Variants in HMGA2 observed in about 807,000 individuals in gnomAD.
HMGA2 encodes the protein high mobility group AT-hook 2, also known as high mobility group protein HMGI-C.
A neutral mutation model predicts 19.1 loss-of-function variants in HMGA2; 8 were observed. The observed-to-expected ratio is 0.42, with a 90% CI of 0.25 to 0.76. HMGA2 has a LOEUF of 0.76. Among genes scored for constraint, HMGA2 ranks in the 30% least tolerant of loss-of-function variants. The pLI, the probability that HMGA2 is intolerant of heterozygous loss-of-function variation, is 0.28. For missense variants in HMGA2, 109 were observed against 136.3 expected (o/e 0.80, Z 1.00); for synonymous variants, 60 against 48.8 (o/e 1.23, Z -0.96).
intron 3 of HMGA2, among the ~76,000 whole-genome samples, chr12:65,946,871 G>A (rs1876283289): frequency 6.6e-6 from 1 of 152,144 alleles, no homozygotes; most frequent in Admixed American, 6.5e-5. Flanking sequence ...TATGACCTCA[G>A]AAATCCAAAA....
intron 3 of HMGA2, among the ~76,000 whole-genome samples, chr12:65,900,332 G>T (rs1874320135): frequency 4.6e-5 from 7 of 152,074 alleles, no homozygotes; most frequent in Non-Finnish European, 1.5e-5. Context: ...TGACTAAATG[G>T]CACGCTACTA....
intron 3 of HMGA2, among the ~76,000 whole-genome samples, chr12:65,890,522 T>C (rs1873857100): frequency 1.3e-5 from 2 of 152,136 alleles, no homozygotes; most frequent in South Asian, 4.1e-4. Context: ...CTAAGGTATA[T>C]ATCTTTTGTT....
At chr12:65,924,013 A>AAAAAC (rs1329696720) in intron 3 of HMGA2, among the ~76,000 whole-genome samples, 20 of 152,112 alleles carry the variant, frequency 1.3e-4, no homozygotes, top group African/African-American at 3.6e-4. Context: ...CCCATCTCAA[A>AAAAAC]AAAACAAAAC....
At chr12:65,923,907 G>A (rs558923046) in intron 3 of HMGA2, among the ~76,000 whole-genome samples, 1 of 152,176 alleles carries the variant, frequency 6.6e-6, no homozygotes, top group Admixed American at 6.5e-5. Flanking sequence ...CTACTCGGGG[G>A]CTGAGGTAAG....
chr12:65,902,219 G>A (rs1339048257), intron 3 of HMGA2, among the ~76,000 whole-genome samples: 2 of 151,902 alleles, frequency 1.3e-5, no homozygotes, highest in African/African-American at 4.8e-5. Context: ...AGTTTCTTAA[G>A]AGAACTGACG....
At chr12:65,878,530 A>C (rs1006356138) in intron 3 of HMGA2, among the ~76,000 whole-genome samples, 6 of 152,244 alleles carry the variant, frequency 3.9e-5, no homozygotes, top group Non-Finnish European at 7.3e-5. Flanking sequence ...TAAATATCTA[A>C]ATATGTGTAT....
intron 3 of HMGA2, among the ~76,000 whole-genome samples, chr12:65,898,589 T>C (rs1235761609): frequency 6.6e-6 from 1 of 152,306 alleles, no homozygotes; most frequent in East Asian, 1.9e-4. Context: ...ATGGTTATAG[T>C]ACATATTCAA....
At chr12:65,913,964 A>G (rs1874959196) in intron 3 of HMGA2, among the ~76,000 whole-genome samples, 1 of 152,190 alleles carries the variant, frequency 6.6e-6, no homozygotes, top group Non-Finnish European at 1.5e-5. Context: ...AATTGTCTTT[A>G]TTCATCCCCC....
chr12:65,829,955 A>C (rs1250102753), intron 2 of HMGA2, among the ~76,000 whole-genome samples: 2 of 151,958 alleles, frequency 1.3e-5, no homozygotes, highest in East Asian at 3.8e-4. Context: ...CTTTCTGAAA[A>C]TTCTTCATGT....
At chr12:65,841,115 C>T (rs759006622) in intron 3 of HMGA2, among the ~76,000 whole-genome samples, 35 of 152,108 alleles carry the variant, frequency 2.3e-4, no homozygotes, top group Non-Finnish European at 1.0e-4. Flanking sequence ...GATGATTCAG[C>T]CAAGCAGGAG....
intron 3 of HMGA2, among the ~76,000 whole-genome samples, chr12:65,861,814 G>T (rs1209062810): frequency 7.0e-6 from 1 of 143,028 alleles, no homozygotes; most frequent in African/African-American, 2.6e-5. Flanking sequence ...ACATATTTTT[G>T]AAAAAAAAAT....
intron 3 of HMGA2, among the ~76,000 whole-genome samples, chr12:65,934,349 A>C (rs1875820179): frequency 6.6e-6 from 1 of 152,134 alleles, no homozygotes; most frequent in Non-Finnish European, 1.5e-5. Flanking sequence ...AGCAATGACC[A>C]TATTCTCTAA....
At chr12:65,887,456 G>A (rs1029599797) in intron 3 of HMGA2, among the ~76,000 whole-genome samples, 10 of 152,128 alleles carry the variant, frequency 6.6e-5, no homozygotes, top group East Asian at 3.9e-4. Flanking sequence ...GTGTGGTGGC[G>A]TGTACCATAA....
intron 3 of HMGA2, among the ~76,000 whole-genome samples, chr12:65,922,974 A>G (rs1875371650): frequency 6.6e-6 from 1 of 152,188 alleles, no homozygotes; most frequent in South Asian, 2.1e-4. Context: ...AGGCCTCCCC[A>G]GCCATGTGGA....
At position 65,824,643 on chromosome 12, in the gene HMGA2, C is replaced by A. The variant is rs965158889; in HGVS notation, c.-628C>A. 1 of 233,048 alleles carries A rather than the reference C, an allele frequency of 4.3e-6. No individual in the cohort carries two copies. The highest frequency in any genetic ancestry group is 2.2e-5 in the African/African-American group (1 of 45,144). 14.4% of individuals were successfully genotyped at this position (233,048 alleles called of 1,614,324 possible). On this transcript the variant is annotated 5_prime_UTR_variant, in exon 1 of 5. Coordinates refer to ENST00000403681, the MANE Select transcript of HMGA2 (RefSeq NM_003483.6). ...CCTCTGCCTGTGCTCCGTGCCCGAC[C>A]CTATCCCGGCGGAGTCTCCCCATCC...
chr12:65,845,489 G>A (rs1361394193), intron 3 of HMGA2, among the ~76,000 whole-genome samples: 1 of 152,026 alleles, frequency 6.6e-6, no homozygotes, highest in Admixed American at 6.6e-5. Context: ...GGCTGGTCTT[G>A]AACTCCTGAC....
At chr12:65,859,210 C>A (rs1871914506) in intron 3 of HMGA2, 1 of 152,246 alleles carries the variant, frequency 6.6e-6, no homozygotes, top group Non-Finnish European at 1.5e-5. Flanking sequence ...TCACTTATAG[C>A]CTCCAAGTAG....
At chr12:65,961,511 G>T (rs142747377) in intron 4 of HMGA2, among the ~76,000 whole-genome samples, 1 of 152,138 alleles carries the variant, frequency 6.6e-6, no homozygotes, top group East Asian at 1.9e-4. Context: ...AGCCTCATAC[G>T]TTCCACTTTT....
At chr12:65,856,104 G>A (rs1275265064) in intron 3 of HMGA2, 2 of 152,150 alleles carry the variant, frequency 1.3e-5, no homozygotes, top group African/African-American at 2.4e-5. Context: ...TGCTGCTGTT[G>A]CTTCCATAGC....
Sources: gnomAD v4.1 joint callset for allele counts (sites outside exome capture counted in the v4.1 genomes callset) on GRCh38, gnomAD v4.1.1 for gene constraint, MANE v1.5 for transcripts, NCBI Gene and HGNC (gene_info 2026-07-23, HGNC 2026-07-21) for gene names.